OGDHL: variants seen among roughly 807,000 people sequenced by gnomAD.
The protein encoded by OGDHL is 2-oxoglutarate dehydrogenase-like, mitochondrial.
Under a neutral mutation model 109.6 loss-of-function variants are expected in OGDHL, and 79 were observed. The observed-to-expected ratio is 0.72, with a 90% CI of 0.60 to 0.87. The LOEUF is 0.87. Among genes scored for constraint, OGDHL ranks in the 40% least tolerant of loss-of-function variants. The probability of loss-of-function intolerance (pLI) is 0.00; values close to 1 mark genes in which losing one functional copy is unlikely to be tolerated. For missense variants in OGDHL, 1,275 were observed against 1,362.2 expected, an observed-to-expected ratio of 0.94 and a Z score of 1.01; for synonymous variants, 528 against 537.2, an observed-to-expected ratio of 0.98 and a Z score of 0.24.
At position 49,737,809 on chromosome 10, in the gene OGDHL, G is replaced by C; in HGVS notation, c.2567C>G (p.Ser856Cys). 6.2e-7 allele frequency: 1 copy of C among 1,614,082 alleles called. No individual in the cohort carries two copies. Among genetic ancestry groups the C allele is most frequent in the Non-Finnish European group, 8.5e-7 (1 of 1,180,052 alleles). Residue 856 changes from serine to cysteine, a missense_variant, in exon 20 of 23, where the codon TCC becomes TGC. Ser to Cys is a moderately radical substitution (Grantham distance 112, BLOSUM62 -1). Coordinates refer to ENST00000374103, the MANE Select transcript of OGDHL (RefSeq NM_018245.3). ...ACCGGATACCATTTGGTCAAAGCTG[G>C]ACTTGGCCTCTGGGTGCCTCAGCAG... ...KSLLRHPEAK[S>C]SFDQMVSGTS...
intron 3 of OGDHL, 82 bp downstream of exon 3, chr10:49,756,694 G>A: frequency 6.6e-6 from 9 of 1,357,162 alleles, no homozygotes; most frequent in Non-Finnish European, 8.9e-6. Flanking sequence ...TGATGTTGGA[G>A]CTGAGACCCC....
chr10:49,749,877 C>T, intron 7 of OGDHL, 61 bp from the exon 8 acceptor site: 1 of 1,443,456 alleles, frequency 6.9e-7, no homozygotes, highest in Non-Finnish European at 9.4e-7. Context: ...GGTTCCCTCC[C>T]CCACTGTGGA....
intron 3 of OGDHL, 151 bp downstream of exon 3, chr10:49,756,625 C>T (rs1262868085): frequency 4.3e-6 from 3 of 695,062 alleles, no homozygotes; most frequent in Admixed American, 6.4e-5. Flanking sequence ...GTGGCAAAGA[C>T]TGGCTAGAGG....
intron 8 of OGDHL, among the ~76,000 whole-genome samples, chr10:49,749,255 C>A (rs963706909): frequency 1.3e-5 from 2 of 152,118 alleles, no homozygotes; most frequent in African/African-American, 4.8e-5. Context: ...GGCTGAAGGC[C>A]TGGCCCAGGC....
In OGDHL at chr10:49,744,013, C is replaced by T; in HGVS notation, c.1842G>A (p.Glu614=). The change falls in exon 14 of 23, where the codon GAG becomes GAA. Residue 614 remains glutamate, a synonymous_variant. Transcript: ENST00000374103. ...IGSVASSVPL[E]DFKIHTGLSR... ...CCTCACCAGTGTGGATCTTAAAGTC[C>T]TCCAGGGGCACAGAGCTGGCCACAC... 6.2e-7 allele frequency: 1 copy of T among 1,614,012 alleles called. No individual in the cohort carries two copies.
rs773380411 is a variant in OGDHL, at chr10:49,739,850, G to A, written c.2141-11C>T. On this transcript the variant is annotated splice_polypyrimidine_tract_variant and intron_variant, in intron 16 of 22. Transcript: ENST00000374103. Reference sequence around the variant, plus strand: ...AGCCCAGCTCAAAGCCTAAACAGAAGACAAGATAGAGCTTGCTGCACACAG... The same window carrying A: ...AGCCCAGCTCAAAGCCTAAACAGAAAACAAGATAGAGCTTGCTGCACACAG... The A allele has an allele frequency of 6.8e-5, 110 of 1,609,518 alleles. 2 individuals are homozygous for A. In the South Asian group the frequency reaches 7.6e-4, roughly 11 times the overall value.
intron 15 of OGDHL, 49 bp downstream of exon 15, chr10:49,742,779 G>T (rs758473932): frequency 1.3e-6 from 2 of 1,577,624 alleles, no homozygotes; most frequent in Admixed American, 3.4e-5. Flanking sequence ...GCCAGGCCCA[G>T]CTTCTGCTCC....
intron 2 of OGDHL, 103 bp downstream of exon 2, chr10:49,758,286 A>T: frequency 8.4e-7 from 1 of 1,189,236 alleles, no homozygotes; most frequent in African/African-American, 1.5e-5. Context: ...CCTGCCCAGG[A>T]TCACACAGCA....
rs775700540 is a variant in OGDHL, at chr10:49,740,824, C to T, written c.2026G>A (p.Val676Ile). 3.7e-6 allele frequency: 6 copies of T among 1,613,816 alleles called. No individual in the cohort carries two copies. Among genetic ancestry groups the T allele is most frequent in the Middle Eastern group, 1.6e-4 (1 of 6,080 alleles). ...ERGTFSHRHH[V>I]LHDQEVDRRT... ...CGGTCAACCTCCTGGTCATGGAGAACATGGTGCCGGTGACTGCAGAGACAC... is the reference window on the plus strand; with the variant it reads ...CGGTCAACCTCCTGGTCATGGAGAATATGGTGCCGGTGACTGCAGAGACAC... Residue 676 changes from valine (V) to isoleucine (I), a missense_variant, in exon 16 of 23, where the codon GTT becomes ATT. Physicochemically the swap from Val to Ile is conservative, Grantham distance 29. Coordinates refer to ENST00000374103, the MANE Select transcript of OGDHL (RefSeq NM_018245.3).
chr10:49,743,943 G>A (rs1286904024), intron 14 of OGDHL, 51 bp downstream of exon 14: 1 of 1,593,520 alleles, frequency 6.3e-7, no homozygotes, highest in East Asian at 2.2e-5. Context: ...TCGAGGCACA[G>A]TGTTGGGGTG....
At chr10:49,738,502 C>T (rs552767548) in intron 17 of OGDHL, 11 of 563,026 alleles carry the variant, frequency 2.0e-5, no homozygotes, top group Non-Finnish European at 2.9e-5. Flanking sequence ...GAAGAAAAAG[C>T]AAAAAGCCCG....
Position 49,752,541 on chromosome 10 carries a change from A to G in OGDHL, c.478+97T>C, listed in dbSNP as rs1173425729. On this transcript the variant is annotated intron_variant, in intron 4 of 22. Transcript: ENST00000374103. ...CCCTGTGGGCTGCTCCCCGAGCTCC[A>G]TGGATTCCCAAGGATCAGGCTGTCC... 5 of 1,063,916 alleles carry G rather than the reference A, an allele frequency of 4.7e-6. No homozygotes were observed. The African/African-American group carries it at 6.2e-5, about 13-fold the overall frequency. 65.9% of individuals were successfully genotyped at this position (1,063,916 alleles called of 1,614,324 possible).
chr10:49,752,060 C>T (rs904504801), intron 5 of OGDHL, 73 bp downstream of exon 5: 24 of 1,609,314 alleles, frequency 1.5e-5, no homozygotes, highest in Admixed American at 1.2e-4. Context: ...ACAAAAAAGA[C>T]AGTGCCTTCC....
chr10:49,741,411 A>G (rs1841643790), intron 15 of OGDHL, among the ~76,000 whole-genome samples: 1 of 152,054 alleles, frequency 6.6e-6, no homozygotes, highest in Admixed American at 6.5e-5. Flanking sequence ...CTGGAGCAAG[A>G]CCAGCCGAGA....
intron 14 of OGDHL, 75 bp from the exon 15 acceptor site, chr10:49,743,053 C>A (rs1841908775): frequency 6.6e-7 from 1 of 1,525,950 alleles, no homozygotes; most frequent in Non-Finnish European, 8.8e-7. Context: ...GCTCAGCACA[C>A]ACCCCGCACA....
At chr10:49,750,325 G>T (rs2133059098) in intron 7 of OGDHL, among the ~76,000 whole-genome samples, 1 of 152,244 alleles carries the variant, frequency 6.6e-6, no homozygotes, top group South Asian at 2.1e-4. Context: ...CTTCCCCACA[G>T]GCTCCAGCTC....
chr10:49,746,156 C>T (rs1000193385), intron 10 of OGDHL, among the ~76,000 whole-genome samples, 179 bp from the exon 11 acceptor site: 9 of 152,104 alleles, frequency 5.9e-5, no homozygotes, highest in Non-Finnish European at 1.0e-4. Context: ...ACAGCTCCCA[C>T]GGGGACGGCA....
intron 15 of OGDHL, among the ~76,000 whole-genome samples, chr10:49,741,815 C>T (rs1420841747): frequency 6.9e-6 from 1 of 145,062 alleles, no homozygotes; most frequent in Non-Finnish European, 1.5e-5. Context: ...ACACACCACA[C>T]ACATATACAC....
intron 1 of OGDHL, among the ~76,000 whole-genome samples, chr10:49,759,409 G>A (rs1843128525): frequency 6.6e-6 from 1 of 152,068 alleles, no homozygotes; most frequent in Non-Finnish European, 1.5e-5. Context: ...CGGGGAACCA[G>A]GCCCTGCAGC....
Sources: allele counts gnomAD v4.1 joint callset (sites outside exome capture counted in the v4.1 genomes callset), GRCh38; gene constraint gnomAD v4.1.1; transcripts MANE v1.5; gene names NCBI Gene and HGNC (gene_info 2026-07-23, HGNC 2026-07-21).